The following HABP2 variants were observed in gnomAD, a reference collection of about 807,000 sequenced individuals.
HABP2 encodes hyaluronan binding protein 2, also known as factor VII-activating protease.
HABP2 carries 65 observed loss-of-function variants against 66.5 expected under a neutral mutation model. That is an observed-to-expected ratio of 0.98 (90% CI 0.80 to 1.20). HABP2 has a LOEUF of 1.20. Ranked by LOEUF, HABP2 falls within the 50% of genes most tolerant of loss-of-function variation. The pLI, the probability that HABP2 is intolerant of heterozygous loss-of-function variation, is 0.00. For missense variants in HABP2, 786 were observed against 691.0 expected, an observed-to-expected ratio of 1.14 and a Z score of -1.54; for synonymous variants, 263 against 253.9, an observed-to-expected ratio of 1.04 and a Z score of -0.34.
chr10:113,554,207 A>G (rs1300949625), intron 1 of HABP2, among the ~76,000 whole-genome samples: 5 of 152,202 alleles, frequency 3.3e-5, no homozygotes, highest in South Asian at 2.1e-4. Context: ...TCAAGAATGA[A>G]CACAACTTCT....
At chr10:113,558,679 C>T (rs1225878740) in intron 1 of HABP2, among the ~76,000 whole-genome samples, 4 of 152,216 alleles carry the variant, frequency 2.6e-5, no homozygotes, top group Non-Finnish European at 5.9e-5. Flanking sequence ...CCACGGAAAG[C>T]GCAGGAGTGA....
intron 2 of HABP2, among the ~76,000 whole-genome samples, chr10:113,571,430 G>A (rs1352651567): frequency 1.3e-5 from 2 of 152,118 alleles, no homozygotes; most frequent in Non-Finnish European, 2.9e-5. Context: ...ATACAGAGTC[G>A]AGAGAGAACA....
intron 8 of HABP2, among the ~76,000 whole-genome samples, chr10:113,581,343 A>T (rs1845526132): frequency 6.6e-6 from 1 of 152,150 alleles, no homozygotes; most frequent in African/African-American, 2.4e-5. Flanking sequence ...TACAAACCCT[A>T]AGGAACAGGA....
rs1328862382 is a variant in HABP2, at chr10:113,583,201, C to T, written c.1095-15C>T. The T allele has an allele frequency of 1.9e-6, 3 of 1,613,006 alleles. No homozygotes were observed. Among genetic ancestry groups the T allele is most frequent in the Non-Finnish European group, 2.5e-6 (3 of 1,179,450 alleles). On this transcript the variant is annotated splice_polypyrimidine_tract_variant and intron_variant, in intron 9 of 12. Transcript: ENST00000351270. ...AGAAACAGTGCCTTCCTGACCATCTCATTTTCCCTTGCAGCATAAAAACCA... is the reference window on the plus strand; with the variant it reads ...AGAAACAGTGCCTTCCTGACCATCTTATTTTCCCTTGCAGCATAAAAACCA...
rs1210611046 is a variant in HABP2 at position 113,583,397 on chromosome 10, C to T, written c.1237+39C>T. On this transcript the variant is annotated intron_variant, in intron 10 of 12. Transcript: ENST00000351270. ...TCATGGCTTTCCTGAGGGTCTTGTC[C>T]TGGGTGGATTTCTCTATGACCAGAA... The T allele has an allele frequency of 2.5e-6, 4 of 1,591,110 alleles. No individual in the cohort carries two copies. The African/African-American group carries it at 5.4e-5, about 21-fold the overall frequency.
chr10:113,557,941 AC>A (rs1393262924), intron 1 of HABP2, among the ~76,000 whole-genome samples: 1 of 152,214 alleles, frequency 6.6e-6, no homozygotes, highest in Non-Finnish European at 1.5e-5. Flanking sequence ...TCAAGATGGC[AC>A]CTCTGGGAGG....
intron 2 of HABP2, among the ~76,000 whole-genome samples, chr10:113,570,519 C>T (rs149196743): frequency 0.013 from 2,045 of 152,314 alleles, 25 homozygotes; most frequent in Non-Finnish European, 0.019. Context: ...CACAAATAAT[C>T]TATGTTTAAA....
chr10:113,583,840 A>T (rs1592700912), intron 10 of HABP2, among the ~76,000 whole-genome samples: 1 of 152,150 alleles, frequency 6.6e-6, no homozygotes, highest in African/African-American at 2.4e-5. Context: ...TTCCCTTTTC[A>T]TGAGACACCC....
chr10:113,576,624 G>A (rs921408855), intron 4 of HABP2, among the ~76,000 whole-genome samples: 4 of 152,192 alleles, frequency 2.6e-5, no homozygotes, highest in Admixed American at 2.0e-4. Flanking sequence ...GGCTGCTCTA[G>A]CAACCATCTT....
In HABP2 at chr10:113,589,128, C is replaced by G. The variant is rs113256086; in HGVS notation, c.*759C>G. 3.6e-5 allele frequency: 54 copies of G among 1,502,692 alleles called. No individual in the cohort carries two copies. The highest frequency in any genetic ancestry group is 1.6e-4 in the African/African-American group (12 of 72,776). The allele number at this position is 1,502,692 out of a possible 1,614,324, so 93.1% of individuals were successfully genotyped here. On this transcript the variant is annotated 3_prime_UTR_variant, in exon 13 of 13. Coordinates refer to ENST00000351270, the MANE Select transcript of HABP2 (RefSeq NM_004132.5). ...AGTTAAAATGAAGCTCCCCCACCCC[C>G]ACTCCCGGCCCCGGTTCCCACAGGA... is the stretch of plus-strand genomic sequence containing the variant.
intron 1 of HABP2, among the ~76,000 whole-genome samples, chr10:113,557,865 T>A (rs1371710303): frequency 6.6e-6 from 1 of 152,230 alleles, no homozygotes; most frequent in Non-Finnish European, 1.5e-5. Context: ...ACCCTATGAG[T>A]TAGGGACCAA....
intron 11 of HABP2, among the ~76,000 whole-genome samples, chr10:113,585,426 C>T (rs950455509): frequency 1.1e-4 from 17 of 152,280 alleles, no homozygotes; most frequent in African/African-American, 3.4e-4. Flanking sequence ...TAGCCTACTG[C>T]GCAGGGCACT....
At chr10:113,570,355 A>G (rs1351338952) in intron 2 of HABP2, among the ~76,000 whole-genome samples, 2 of 152,238 alleles carry the variant, frequency 1.3e-5, no homozygotes, top group Non-Finnish European at 1.5e-5. Flanking sequence ...GGCTTAACTC[A>G]GGATACTCTC....
chr10:113,567,724 A>T (rs1845226390), intron 2 of HABP2, among the ~76,000 whole-genome samples, 199 bp downstream of exon 2: 1 of 152,198 alleles, frequency 6.6e-6, no homozygotes. Flanking sequence ...TCCTGTGGAC[A>T]CTGATGAGCC....
At chr10:113,553,667 T>C (rs973790199) in intron 1 of HABP2, among the ~76,000 whole-genome samples, 1 of 152,208 alleles carries the variant, frequency 6.6e-6, no homozygotes, top group African/African-American at 2.4e-5. Flanking sequence ...ATCCTGGCAG[T>C]GGGTCTGCAT....
In HABP2 at chr10:113,588,683, C is replaced by G. The variant is rs914958937; in HGVS notation, c.*314C>G. On this transcript the variant is annotated 3_prime_UTR_variant, in exon 13 of 13. Transcript: ENST00000351270. ...CAGAGACTGCCTCCACCACAGGCAT[C>G]CTGCAAATGCAGACTCCAGAATCCC... 3.7e-6 allele frequency: 2 copies of G among 534,810 alleles called. No homozygotes were observed. Among genetic ancestry groups the G allele is most frequent in the Middle Eastern group, 4.9e-4 (1 of 2,058 alleles). 33.1% of individuals were successfully genotyped at this position (534,810 alleles called of 1,614,324 possible). A position where few individuals can be genotyped will look rare whatever the true frequency, so the allele number is the denominator to read the frequency against.
chr10:113,565,332 T>TA (rs376475923), intron 1 of HABP2, among the ~76,000 whole-genome samples: 6 of 151,764 alleles, frequency 4.0e-5, no homozygotes, highest in Admixed American at 6.6e-5. Flanking sequence ...GTATTTTTTT[T>TA]AAAAAAGAGG....
rs1211131893 is a variant in HABP2 at position 113,588,448 on chromosome 10, C to T, written c.*79C>T. On this transcript the variant is annotated 3_prime_UTR_variant, in exon 13 of 13. Coordinates refer to ENST00000351270, the MANE Select transcript of HABP2 (RefSeq NM_004132.5). Reference sequence around the variant, plus strand: ...AGGCCTCATGGCCAACAATGGACACCTCCAGAGCCTCCAGGGGACCACACA... The same window carrying T: ...AGGCCTCATGGCCAACAATGGACACTTCCAGAGCCTCCAGGGGACCACACA... 9.6e-7 allele frequency: 1 copy of T among 1,038,780 alleles called. No homozygotes were observed. The highest frequency in any genetic ancestry group is 1.4e-6 in the Non-Finnish European group (1 of 707,478). 64.3% of individuals were successfully genotyped at this position (1,038,780 alleles called of 1,614,324 possible). A position where few individuals can be genotyped will look rare whatever the true frequency, so the allele number is the denominator to read the frequency against.
At chr10:113,555,652 C>T (rs1246395977) in intron 1 of HABP2, among the ~76,000 whole-genome samples, 3 of 152,174 alleles carry the variant, frequency 2.0e-5, no homozygotes, top group Non-Finnish European at 4.4e-5. Flanking sequence ...TTGCTGTGAA[C>T]TCCAGGGCAT....
Sources: allele counts gnomAD v4.1 joint callset (sites outside exome capture counted in the v4.1 genomes callset), GRCh38; gene constraint gnomAD v4.1.1; transcripts MANE v1.5; gene names NCBI Gene and HGNC (gene_info 2026-07-23, HGNC 2026-07-21).